Variants in DCLK1 observed in about 807,000 individuals in gnomAD.
DCLK1 encodes the protein doublecortin like kinase 1, also known as serine/threonine-protein kinase DCLK1.
In DCLK1, 16 loss-of-function variants were observed where a neutral mutation model predicts 86.2. That is an observed-to-expected ratio of 0.19 (90% CI 0.13 to 0.28). The LOEUF is 0.28. DCLK1 is among the 10% of genes least tolerant of loss of function. DCLK1 has a pLI of 1.00. For synonymous variants in DCLK1, 369 were observed against 370.5 expected, an observed-to-expected ratio of 1.00 and a Z score of 0.05; for missense variants, 590 against 940.2, an observed-to-expected ratio of 0.63 and a Z score of 4.87.
chr13:36,095,262 G>A (rs976844179), intron 3 of DCLK1, among the ~76,000 whole-genome samples: 6 of 151,188 alleles, frequency 4.0e-5, no homozygotes, highest in Admixed American at 6.6e-5. Context: ...CTAGAGTGCC[G>A]TGATGTGATC....
intron 3 of DCLK1, among the ~76,000 whole-genome samples, chr13:36,086,779 G>A (rs996501749): frequency 1.3e-5 from 2 of 152,148 alleles, no homozygotes; most frequent in South Asian, 4.2e-4. Context: ...CTTCATCTAG[G>A]TCCCTGCAAA....
intron 3 of DCLK1, among the ~76,000 whole-genome samples, chr13:36,091,208 AT>A (rs1566677380): frequency 1.3e-5 from 2 of 152,012 alleles, no homozygotes; most frequent in African/African-American, 4.8e-5. Flanking sequence ...CCATTTGTCA[AT>A]TCTGGCTTTT....
At chr13:36,125,268 G>A (rs965337028) in intron 2 of DCLK1, among the ~76,000 whole-genome samples, 5 of 152,078 alleles carry the variant, frequency 3.3e-5, no homozygotes, top group Non-Finnish European at 7.4e-5. Context: ...ATCTTACCAC[G>A]TAACCACCGA....
At chr13:35,793,316 T>C in intron 16 of DCLK1, 50 bp downstream of exon 16, 1 of 1,448,174 alleles carries the variant, frequency 6.9e-7, no homozygotes. Flanking sequence ...GCCTGTCTCT[T>C]AGGTGGGTTG....
At chr13:35,916,611 TCTC>T (rs1875428474) in intron 4 of DCLK1, among the ~76,000 whole-genome samples, 1 of 152,144 alleles carries the variant, frequency 6.6e-6, no homozygotes, top group Non-Finnish European at 1.5e-5. Flanking sequence ...CCTCTCTCTT[TCTC>T]CTCCTTCCTT....
At chr13:35,798,332 G>A (rs889975423) in intron 15 of DCLK1, among the ~76,000 whole-genome samples, 21 of 152,082 alleles carry the variant, frequency 1.4e-4, no homozygotes, top group Admixed American at 1.2e-3. Flanking sequence ...ATCCCCTTGC[G>A]GATTTTTGGT....
At chr13:36,129,693 A>G (rs1487116994) in intron 1 of DCLK1, among the ~76,000 whole-genome samples, 3 of 152,246 alleles carry the variant, frequency 2.0e-5, no homozygotes, top group Non-Finnish European at 4.4e-5. Context: ...CAATGTTCAG[A>G]GACCATAGGT....
intron 3 of DCLK1, among the ~76,000 whole-genome samples, chr13:35,961,293 C>T (rs545779226): frequency 7.9e-5 from 12 of 152,252 alleles, no homozygotes; most frequent in African/African-American, 2.6e-4. Context: ...GCAGTATAGC[C>T]CTTAAGTTAA....
chr13:35,882,370 G>C (rs1872966962), intron 4 of DCLK1, among the ~76,000 whole-genome samples: 1 of 152,146 alleles, frequency 6.6e-6, no homozygotes, highest in African/African-American at 2.4e-5. Flanking sequence ...AACCTGTAGA[G>C]ACCTTTTTCC....
intron 3 of DCLK1, among the ~76,000 whole-genome samples, chr13:35,968,809 C>T (rs1878913211): frequency 6.6e-6 from 1 of 152,140 alleles, no homozygotes; most frequent in Non-Finnish European, 1.5e-5. Context: ...AAAAACCTTA[C>T]CCAGTCCCAG....
chr13:35,849,784 T>C (rs1870474741), intron 6 of DCLK1: 2 of 985,176 alleles, frequency 2.0e-6, no homozygotes, highest in South Asian at 9.4e-5. Flanking sequence ...GCCTGATTTA[T>C]ACAGCACCAT....
intron 4 of DCLK1, among the ~76,000 whole-genome samples, chr13:35,907,976 AT>A (rs1239094932): frequency 4.6e-5 from 7 of 151,828 alleles, no homozygotes; most frequent in African/African-American, 1.2e-4. Context: ...AGAACATTTA[AT>A]TTTTTTTCCT....
At chr13:35,940,229 A>AT (rs1427223513) in intron 4 of DCLK1, among the ~76,000 whole-genome samples, 1 of 151,346 alleles carries the variant, frequency 6.6e-6, no homozygotes, top group Non-Finnish European at 1.5e-5. Flanking sequence ...TCAAAAAAAA[A>AT]AAAAATAAGT....
intron 3 of DCLK1, among the ~76,000 whole-genome samples, chr13:35,980,553 T>C (rs556240822): frequency 2.0e-5 from 3 of 152,288 alleles, no homozygotes; most frequent in African/African-American, 7.2e-5. Context: ...AGTAGCCCCT[T>C]CTACTTTCTG....
At chr13:36,003,547 C>G in intron 3 of DCLK1, among the ~76,000 whole-genome samples, 1 of 152,060 alleles carries the variant, frequency 6.6e-6, no homozygotes, top group East Asian at 1.9e-4. Flanking sequence ...GGATTCATGG[C>G]AAGATTTGCT....
intron 3 of DCLK1, among the ~76,000 whole-genome samples, chr13:36,078,244 T>C (rs1355889503): frequency 6.6e-6 from 1 of 152,200 alleles, no homozygotes; most frequent in African/African-American, 2.4e-5. Flanking sequence ...CTTCCCAGCC[T>C]TGAGAACTAT....
At chr13:36,127,070 T>G (rs1311901759) in intron 1 of DCLK1, among the ~76,000 whole-genome samples, 1 of 152,188 alleles carries the variant, frequency 6.6e-6, no homozygotes, top group African/African-American at 2.4e-5. Context: ...TATGGTGGGC[T>G]GGGACAGAAA....
intron 4 of DCLK1, among the ~76,000 whole-genome samples, chr13:35,924,054 GCCTTTGACT>G (rs1415561853): frequency 6.6e-6 from 1 of 152,084 alleles, no homozygotes; most frequent in Non-Finnish European, 1.5e-5. Flanking sequence ...CAGCCGAACT[GCCTTTGACT>G]CCCATCTCTC....
At chr13:35,933,504 A>C (rs79572026) in intron 4 of DCLK1, among the ~76,000 whole-genome samples, 8,997 of 152,046 alleles carry the variant, frequency 0.059, 861 homozygotes, top group African/African-American at 0.2. Flanking sequence ...ATTTCCATAC[A>C]CCCTCTGACA....
Sources: gnomAD v4.1 joint callset for allele counts (sites outside exome capture counted in the v4.1 genomes callset) on GRCh38, gnomAD v4.1.1 for gene constraint, MANE v1.5 for transcripts, NCBI Gene and HGNC (gene_info 2026-07-23, HGNC 2026-07-21) for gene names.